CIDEB: variants seen among roughly 807,000 people sequenced by gnomAD.
The protein encoded by CIDEB is lipid transferase CIDEB.
Under a neutral mutation model 22.4 loss-of-function variants are expected in CIDEB, and 27 were observed. That is an observed-to-expected ratio of 1.21 (90% CI 0.89 to 1.66). CIDEB has a LOEUF of 1.66. Ranked by LOEUF, CIDEB falls within the 40% of genes most tolerant of loss-of-function variation. The pLI is 0.00. For synonymous variants in CIDEB, 103 were observed against 109.5 expected (o/e 0.94, Z 0.37); for missense variants, 289 against 268.7 (o/e 1.08, Z -0.53).
At chr14:24,306,559 A>T in intron 2 of CIDEB, 36 bp from the exon 3 acceptor site, 1 of 1,613,908 alleles carries the variant, frequency 6.2e-7, no homozygotes, top group Non-Finnish European at 8.5e-7. Context: ...GGCAGGTCTT[A>T]TCCCATGCCC....
upstream of CIDEB, chr14:24,310,568 AGGCATGGCACCTTCTCATCG>A: frequency 7.8e-7 from 1 of 1,289,656 alleles, no homozygotes; most frequent in Non-Finnish European, 1.1e-6. Context: ...AGTAAGGAGG[AGGCATGGCACCTTCTCATCG>A]GGCATCACAG....
At chr14:24,308,173 A>T, upstream of CIDEB, 1 of 389,250 alleles carries the variant, frequency 2.6e-6, no homozygotes, top group South Asian at 2.9e-5. Flanking sequence ...ATGAAATGTG[A>T]CTTCTGGTGT....
Position 24,305,568 on chromosome 14 carries a change from G to T in CIDEB, c.*65C>A. The T allele has an allele frequency of 6.5e-7, 1 of 1,550,014 alleles. No individual in the cohort carries two copies. Among genetic ancestry groups the T allele is most frequent in the South Asian group, 1.2e-5 (1 of 80,630 alleles). The stretch of plus-strand genomic sequence containing the variant: ...GTACTGTCTGCAGGTCCTGAAATTT[G>T]ATGCTGTCATAGTCTTTGCAGTGGG... On this transcript the variant is annotated 3_prime_UTR_variant, in exon 5 of 5. Transcript: ENST00000554411.
intron 2 of CIDEB, 179 bp downstream of exon 2, chr14:24,307,192 A>T: frequency 1.7e-6 from 1 of 603,612 alleles, no homozygotes; most frequent in Non-Finnish European, 2.8e-6. Context: ...AGAAAAGCTC[A>T]CTCGGTGGAA....
At chr14:24,310,902 G>A, upstream of CIDEB, 1 of 1,593,314 alleles carries the variant, frequency 6.3e-7, no homozygotes. Context: ...GCTCTTTGTG[G>A]CCTTCCTGAC....
chr14:24,311,060 G>T, upstream of CIDEB: 1 of 1,566,480 alleles, frequency 6.4e-7, no homozygotes, highest in Non-Finnish European at 8.6e-7. Context: ...CGCCTCGGCT[G>T]CGCAGCCCGG....
At chr14:24,306,587 C>T (rs1198357912) in intron 2 of CIDEB, 64 bp from the exon 3 acceptor site, 1 of 1,603,808 alleles carries the variant, frequency 6.2e-7, no homozygotes. Context: ...CTTTAGCTGC[C>T]CAACATCCAT....
chr14:24,310,863 G>C (rs1439689925), upstream of CIDEB: 6 of 1,591,356 alleles, frequency 3.8e-6, no homozygotes, highest in East Asian at 2.2e-5. Flanking sequence ...CCTGGCGCTG[G>C]CCGACGGCGC....
At position 24,307,453 on chromosome 14, in the gene CIDEB, T is replaced by TG. The variant is rs1389177446; in HGVS notation, c.103dup (p.Gln35ProfsTer8). ...GTGATCACAGACACGGAAAGGTCGC[T>TG]GGGGTGGTGGAGCTGAGGTCCAGAC... On this transcript the variant is annotated frameshift_variant, in exon 2 of 5. Coordinates refer to ENST00000554411, the MANE Select transcript of CIDEB (RefSeq NM_001393339.1). LOFTEE classifies it high-confidence loss of function. 1 of 1,613,994 alleles carries TG rather than the reference T, an allele frequency of 6.2e-7. No homozygotes were observed. The highest frequency in any genetic ancestry group is 1.7e-5 in the Admixed American group (1 of 60,002).
At position 24,306,423 on chromosome 14, in the gene CIDEB, T is replaced by G. The variant is rs377446306; in HGVS notation, c.287A>C (p.Asp96Ala). ...SEDFFQLLEDDTCLMVLQSGQ... is the reference protein window; with the variant it reads ...SEDFFQLLEDATCLMVLQSGQ... ...AGACTGCAACACCATCAGGCACGTG[T>G]CATCCTCCAGCAGCTGGAAGAAGTC... The change falls in exon 3 of 5, where the codon GAC (aspartate) becomes GCC (alanine). Residue 96 changes from aspartate to alanine, a missense_variant. Asp to Ala is a moderately radical substitution (Grantham distance 126). Transcript: ENST00000554411. 1.5e-5 allele frequency: 24 copies of G among 1,614,108 alleles called. No homozygotes were observed. The highest frequency in any genetic ancestry group is 1.9e-5 in the Non-Finnish European group (22 of 1,180,038).
chr14:24,306,882 G>A, intron 2 of CIDEB: 1 of 335,446 alleles, frequency 3.0e-6, no homozygotes, highest in South Asian at 3.6e-5. Flanking sequence ...TTCTCCAGAA[G>A]TGTTTTCAGT....
intron 4 of CIDEB, 36 bp from the exon 5 acceptor site, chr14:24,305,801 G>A: frequency 6.2e-7 from 1 of 1,606,666 alleles, no homozygotes; most frequent in Non-Finnish European, 8.5e-7. Context: ...CAGATGATTT[G>A]GAAAACTTGG....
upstream of CIDEB, chr14:24,309,306 A>G (rs2041614994): frequency 6.6e-6 from 1 of 152,070 alleles, no homozygotes; most frequent in Non-Finnish European, 1.5e-5. Flanking sequence ...GCTCAAGAAT[A>G]CAGGATCACC....
Position 24,307,939 on chromosome 14 carries a change from T to G in CIDEB, c.-81A>C. 3.1e-6 allele frequency: 4 copies of G among 1,296,056 alleles called. No individual in the cohort carries two copies. Among genetic ancestry groups the G allele is most frequent in the Non-Finnish European group, 4.4e-6 (4 of 914,358 alleles). The allele number at this position is 1,296,056 out of a possible 1,614,324, so 80.3% of individuals were successfully genotyped here. ...GCTGGGGCTTTAGTGGTGTTTTCTG[T>G]TACAAACCTGGGATCTCAGCCCAGG... On this transcript the variant is annotated 5_prime_UTR_variant, in exon 1 of 5. Transcript: ENST00000554411.
chr14:24,307,579 A>G, intron 1 of CIDEB, 64 bp from the exon 2 acceptor site: 2 of 1,542,782 alleles, frequency 1.3e-6, no homozygotes, highest in Non-Finnish European at 8.8e-7. Flanking sequence ...AAAGGGCATG[A>G]TGAGGGTAGA....
chr14:24,306,316 A>G, intron 3 of CIDEB, 58 bp downstream of exon 3: 16 of 1,601,766 alleles, frequency 1.0e-5, no homozygotes, highest in African/African-American at 1.3e-5. Flanking sequence ...CTAGAGAGGA[A>G]GCCCGGGAAA....
chr14:24,307,655 A>G lies in CIDEB; in HGVS notation c.42-140T>C, dbSNP rs568289648. ...ATTAGGGATGAGGGAGAGACCATGG[A>G]GTGCAGGTGGGGGCGGGTGGCTCAG... On this transcript the variant is annotated intron_variant, in intron 1 of 4. Coordinates refer to ENST00000554411, the MANE Select transcript of CIDEB (RefSeq NM_001393339.1). 4.5e-4 allele frequency: 405 copies of G among 900,608 alleles called. 6 individuals are homozygous for G. In the South Asian group the frequency reaches 5.6e-3, roughly 13 times the overall value. 55.8% of individuals were successfully genotyped at this position (900,608 alleles called of 1,614,324 possible). A position where few individuals can be genotyped will look rare whatever the true frequency, so the allele number is the denominator to read the frequency against.
At chr14:24,311,189 G>T, upstream of CIDEB, 1 of 1,607,862 alleles carries the variant, frequency 6.2e-7, no homozygotes, top group South Asian at 1.1e-5. Flanking sequence ...ACCCGTCGCC[G>T]GTCCACGCCG....
chr14:24,306,243 T>C, intron 3 of CIDEB, 106 bp from the exon 4 acceptor site: 1 of 1,516,698 alleles, frequency 6.6e-7, no homozygotes. Context: ...TTCTGTCCAC[T>C]GTGTGACATC....
Sources: allele counts gnomAD v4.1 joint callset, GRCh38; gene constraint gnomAD v4.1.1; transcripts MANE v1.5; gene names NCBI Gene and HGNC (gene_info 2026-07-23, HGNC 2026-07-21).